KIAA1958: variants seen among roughly 807,000 people sequenced by gnomAD.
KIAA1958 encodes the protein KIAA1958.
Under a neutral mutation model 47.2 loss-of-function variants are expected in KIAA1958, and 14 were observed. The observed-to-expected ratio is 0.30, with a 90% CI of 0.20 to 0.46. The LOEUF (loss-of-function observed/expected upper bound fraction) is 0.46, where lower values mean the gene tolerates loss of function less well. Ranked by LOEUF, KIAA1958 falls within the 20% of genes least tolerant of loss-of-function variation. The pLI is 1.00. For synonymous variants in KIAA1958, 354 were observed against 353.3 expected (o/e 1.00, Z -0.02); for missense variants, 803 against 909.2 (o/e 0.88, Z 1.50).
intron 2 of KIAA1958, among the ~76,000 whole-genome samples, chr9:112,630,178 A>G (rs1414030168): frequency 1.3e-5 from 2 of 152,218 alleles, no homozygotes; most frequent in African/African-American, 4.8e-5. Flanking sequence ...AAGGATCTAC[A>G]GTTGAATTAA....
At chr9:112,547,136 G>C (rs1409723291) in intron 1 of KIAA1958, among the ~76,000 whole-genome samples, 11 of 151,884 alleles carry the variant, frequency 7.2e-5, no homozygotes, top group Admixed American at 7.2e-4. Context: ...CAGCATTTTG[G>C]GAGGCCGAGG....
chr9:112,581,825 A>ACACC (rs1835740445), intron 2 of KIAA1958: 1 of 231,926 alleles, frequency 4.3e-6, no homozygotes, highest in Non-Finnish European at 9.4e-6. Context: ...CCACCCAAGA[A>ACACC]CACCACCAAG....
rs58420693 is a variant in KIAA1958 at position 112,554,501 on chromosome 9, C to CAATAATAAT, written c.-24-19546_-24-19538dup. 2.6e-3 allele frequency among the ~76,000 whole-genome samples: 389 copies of CAATAATAAT among 150,474 alleles called. 1 individual carries two copies. Among genetic ancestry groups the CAATAATAAT allele is most frequent in the African/African-American group, 8.8e-3 (362 of 40,962 alleles). ...CGACAGAATGAGTGAGACTCCATCT[C>CAATAATAAT]AATAATAATAATAATAATTAGAATA... On this transcript the variant is annotated intron_variant, in intron 1 of 3. Transcript: ENST00000337530.
Position 112,665,771 on chromosome 9 carries a change from T to C in KIAA1958, c.*5702T>C, listed in dbSNP as rs1473021792. On this transcript the variant is annotated 3_prime_UTR_variant, in exon 4 of 4. Transcript: ENST00000337530. ...TCCAATAAGTAATTTATATTACCTG[T>C]CATCTACCTTAAAGGGCAGATGGTC... is the stretch of plus-strand genomic sequence containing the variant. 1 of 152,192 alleles carries C rather than the reference T, an allele frequency of 6.6e-6. No individual in the cohort carries two copies. Among genetic ancestry groups the C allele is most frequent in the African/African-American group, 2.4e-5 (1 of 41,446 alleles). The allele number at this position is 152,192 out of a possible 1,614,324, so 9.4% of individuals were successfully genotyped here.
chr9:112,552,900 T>G (rs16917084), intron 1 of KIAA1958, among the ~76,000 whole-genome samples: 3,124 of 152,102 alleles, frequency 0.021, 119 homozygotes, highest in African/African-American at 0.07. Flanking sequence ...TTCTTTGGAG[T>G]AGTGCAGCAC....
intron 1 of KIAA1958, among the ~76,000 whole-genome samples, chr9:112,495,788 G>T (rs760372842): frequency 6.6e-6 from 1 of 152,172 alleles, no homozygotes; most frequent in African/African-American, 2.4e-5. Context: ...GTTCCCTTCC[G>T]CAGTGAGTCT....
rs1263831759 is a variant in KIAA1958, at chr9:112,574,578, G to A, written c.498G>A (p.Arg166=). ...EDSDFEPQTQ[R]PQSIARKRPG... is the part of the protein sequence containing the mutation. ...GTGACTTTGAACCCCAAACCCAAAG[G>A]CCTCAAAGCATTGCTCGCAAAAGAC... The change falls in exon 2 of 4, where the codon AGG becomes AGA. Residue 166 remains arginine (R), a synonymous_variant. Coordinates refer to ENST00000337530, the MANE Select transcript of KIAA1958 (RefSeq NM_133465.4). The A allele has an allele frequency of 6.8e-6, 11 of 1,614,128 alleles. No individual in the cohort carries two copies. The highest frequency in any genetic ancestry group is 3.3e-5 in the South Asian group (3 of 91,080).
intron 1 of KIAA1958, among the ~76,000 whole-genome samples, chr9:112,552,886 C>T (rs1383672673): frequency 6.6e-6 from 1 of 152,120 alleles, no homozygotes; most frequent in African/African-American, 2.4e-5. Context: ...GAGCTGTATG[C>T]CATTTCTTTG....
intron 2 of KIAA1958, among the ~76,000 whole-genome samples, chr9:112,627,110 TGTA>T (rs1564194912): frequency 6.6e-6 from 1 of 152,236 alleles, no homozygotes; most frequent in Non-Finnish European, 1.5e-5. Flanking sequence ...AAGGAAATAT[TGTA>T]GTTGTCAAAG....
At chr9:112,509,316 C>T (rs763251717) in intron 1 of KIAA1958, among the ~76,000 whole-genome samples, 20 of 151,782 alleles carry the variant, frequency 1.3e-4, no homozygotes, top group Admixed American at 1.3e-3. Flanking sequence ...TTCTCCTGCC[C>T]CAGCCTCCCA....
intron 2 of KIAA1958, among the ~76,000 whole-genome samples, chr9:112,619,497 G>T (rs1836463411): frequency 6.6e-6 from 1 of 152,016 alleles, no homozygotes; most frequent in Non-Finnish European, 1.5e-5. Flanking sequence ...TTTAGCTCCT[G>T]TGCCTCATTT....
chr9:112,643,450 T>G (rs1198305886), intron 2 of KIAA1958, among the ~76,000 whole-genome samples: 1 of 152,228 alleles, frequency 6.6e-6, no homozygotes, highest in Non-Finnish European at 1.5e-5. Flanking sequence ...ATAGTAGGCA[T>G]CAATTAGTGC....
intron 3 of KIAA1958, among the ~76,000 whole-genome samples, chr9:112,649,776 C>T (rs530650719): frequency 1.3e-5 from 2 of 152,022 alleles, no homozygotes; most frequent in South Asian, 4.2e-4. Flanking sequence ...AAATGAAGAT[C>T]AAATAAAGAC....
intron 2 of KIAA1958, among the ~76,000 whole-genome samples, chr9:112,623,388 G>A (rs556321740): frequency 1.3e-5 from 2 of 152,282 alleles, no homozygotes; most frequent in African/African-American, 4.8e-5. Context: ...TAATATGTAA[G>A]AGCATCCGTA....
At chr9:112,537,789 A>G (rs897934768) in intron 1 of KIAA1958, among the ~76,000 whole-genome samples, 4 of 152,246 alleles carry the variant, frequency 2.6e-5, no homozygotes, top group African/African-American at 9.6e-5. Context: ...AGTTGGGGAA[A>G]TAATTGGCAT....
intron 1 of KIAA1958, among the ~76,000 whole-genome samples, chr9:112,554,384 G>C (rs767649455): frequency 3.9e-5 from 6 of 152,040 alleles, no homozygotes; most frequent in African/African-American, 1.2e-4. Flanking sequence ...TGTAATCCCA[G>C]CTACTCATGA....
rs995975333 is a variant in KIAA1958, at chr9:112,668,478, T to A, written c.*8409T>A. 1 of 152,184 alleles carries A rather than the reference T, an allele frequency of 6.6e-6. No individual in the cohort carries two copies. Among genetic ancestry groups the A allele is most frequent in the South Asian group, 2.1e-4 (1 of 4,830 alleles). 9.4% of individuals were successfully genotyped at this position (152,184 alleles called of 1,614,324 possible). A position where few individuals can be genotyped will look rare whatever the true frequency, so the allele number is the denominator to read the frequency against. On this transcript the variant is annotated 3_prime_UTR_variant, in exon 4 of 4. Coordinates refer to ENST00000337530, the MANE Select transcript of KIAA1958 (RefSeq NM_133465.4). Reference sequence around the variant, plus strand: ...TGAATGCAGTTTTAAAAATCCGAATTATTTCTGGAGTCTACAATGTCAGTG... The same window carrying A: ...TGAATGCAGTTTTAAAAATCCGAATAATTTCTGGAGTCTACAATGTCAGTG...
At chr9:112,604,720 A>G (rs1344786304) in intron 2 of KIAA1958, among the ~76,000 whole-genome samples, 1 of 152,052 alleles carries the variant, frequency 6.6e-6, no homozygotes. Context: ...ATGCATGTCC[A>G]GAAGTTCTCC....
At chr9:112,589,987 T>C (rs1835890964) in intron 2 of KIAA1958, among the ~76,000 whole-genome samples, 3 of 152,200 alleles carry the variant, frequency 2.0e-5, no homozygotes, top group African/African-American at 7.2e-5. Context: ...TCTTACCAGT[T>C]GTCCCTGAGC....
Sources: gnomAD v4.1 joint callset for allele counts (sites outside exome capture counted in the v4.1 genomes callset) on GRCh38, gnomAD v4.1.1 for gene constraint, MANE v1.5 for transcripts, NCBI Gene and HGNC (gene_info 2026-07-23, HGNC 2026-07-21) for gene names.